Variants in TAFA4 observed in about 807,000 individuals in gnomAD.
The protein encoded by TAFA4 is chemokine-like protein TAFA-4.
A neutral mutation model predicts 21.1 loss-of-function variants in TAFA4; 20 were observed. That is an observed-to-expected ratio of 0.95 (90% confidence interval 0.67 to 1.38). The LOEUF (loss-of-function observed/expected upper bound fraction) is 1.38, where lower values mean the gene tolerates loss of function less well. TAFA4 is among the 40% of genes most tolerant of loss of function. The pLI is 0.00. For synonymous variants in TAFA4, 71 were observed against 67.4 expected (o/e 1.05, Z -0.26); for missense variants, 211 against 180.9 (o/e 1.17, Z -0.95).
At chr3:68,860,682 TA>T (rs2089324738) in intron 3 of TAFA4, among the ~76,000 whole-genome samples, 1 of 152,116 alleles carries the variant, frequency 6.6e-6, no homozygotes, top group African/African-American at 2.4e-5. Flanking sequence ...GAGCTTAATT[TA>T]AAATACACTA....
intron 3 of TAFA4, among the ~76,000 whole-genome samples, chr3:68,838,642 C>G (rs923112324): frequency 5.9e-5 from 9 of 152,192 alleles, no homozygotes; most frequent in African/African-American, 2.2e-4. Context: ...ATATTATTCT[C>G]TCAGGTTTTT....
chr3:68,848,369 T>C (rs539269914), intron 3 of TAFA4, among the ~76,000 whole-genome samples: 1 of 152,352 alleles, frequency 6.6e-6, no homozygotes, highest in African/African-American at 2.4e-5. Context: ...CAGATAGCTA[T>C]GTATCAACGA....
intron 1 of TAFA4, among the ~76,000 whole-genome samples, chr3:68,902,388 G>A (rs1170377799): frequency 1.3e-5 from 2 of 151,114 alleles, no homozygotes; most frequent in Non-Finnish European, 1.5e-5. Flanking sequence ...TTTTTTTGGA[G>A]ACAGGGTCTT....
At chr3:68,843,338 G>T (rs1273153825) in intron 3 of TAFA4, among the ~76,000 whole-genome samples, 5 of 152,066 alleles carry the variant, frequency 3.3e-5, no homozygotes, top group Non-Finnish European at 7.4e-5. Flanking sequence ...GTCTATTATT[G>T]GTGTATAGTA....
At chr3:68,859,387 G>A (rs1442654473) in intron 3 of TAFA4, among the ~76,000 whole-genome samples, 2 of 152,010 alleles carry the variant, frequency 1.3e-5, no homozygotes, top group Non-Finnish European at 2.9e-5. Flanking sequence ...CTTAATTCAT[G>A]TCTCCTTGCT....
At chr3:68,911,182 T>C (rs534719377) in intron 1 of TAFA4, among the ~76,000 whole-genome samples, 1 of 152,282 alleles carries the variant, frequency 6.6e-6, no homozygotes, top group Admixed American at 6.5e-5. Context: ...GCCAAGCCAA[T>C]CGATAAAATG....
At chr3:68,825,592 T>C (rs1233195833) in intron 3 of TAFA4, among the ~76,000 whole-genome samples, 2 of 152,218 alleles carry the variant, frequency 1.3e-5, no homozygotes, top group Non-Finnish European at 2.9e-5. Flanking sequence ...CTTACCTTAA[T>C]GAACACATTT....
chr3:68,894,829 T>C lies in TAFA4; in HGVS notation c.-122-9519A>G, dbSNP rs1048112447. ...TAAAGATGGAAAGGAGTAAAAGAAG[T>C]TTGAGGGTGTTTTTGGTTTTGTTTT... is the stretch of plus-strand genomic sequence containing the variant. On this transcript the variant is annotated intron_variant, in intron 1 of 5. Coordinates refer to ENST00000295569, the MANE Select transcript of TAFA4 (RefSeq NM_182522.5). 2.0e-5 allele frequency among the ~76,000 whole-genome samples: 3 copies of C among 151,910 alleles called. No individual in the cohort carries two copies. The South Asian group carries it at 6.3e-4, about 32-fold the overall frequency.
At chr3:68,793,144 A>T (rs1703394074) in intron 3 of TAFA4, among the ~76,000 whole-genome samples, 1 of 152,166 alleles carries the variant, frequency 6.6e-6, no homozygotes, top group South Asian at 2.1e-4. Flanking sequence ...GGACATAGAA[A>T]CTGATTTATC....
At chr3:68,742,332 A>AATTAGAAAG (rs1476173889) in intron 4 of TAFA4, among the ~76,000 whole-genome samples, 2 of 152,240 alleles carry the variant, frequency 1.3e-5, no homozygotes, top group African/African-American at 4.8e-5. Flanking sequence ...AAGGTACTTA[A>AATTAGAAAG]ATTAGAAAGG....
chr3:68,848,404 A>AT (rs2106905514), intron 3 of TAFA4, among the ~76,000 whole-genome samples: 1 of 152,284 alleles, frequency 6.6e-6, no homozygotes, highest in Admixed American at 6.5e-5. Context: ...TCTTGCTTTC[A>AT]TTTTTTAGTT....
intron 3 of TAFA4, among the ~76,000 whole-genome samples, chr3:68,755,809 T>C (rs1048112755): frequency 2.0e-5 from 3 of 152,172 alleles, no homozygotes; most frequent in Non-Finnish European, 2.9e-5. Context: ...CCTCCCACAT[T>C]AAACCAGAGT....
intron 5 of TAFA4, 82 bp from the exon 6 acceptor site, chr3:68,733,235 C>A: frequency 6.5e-7 from 1 of 1,530,660 alleles, no homozygotes; most frequent in South Asian, 1.2e-5. Flanking sequence ...CCAATAAGGT[C>A]CTGACTGTGA....
intron 2 of TAFA4, among the ~76,000 whole-genome samples, chr3:68,881,440 G>A (rs1018295342): frequency 3.3e-5 from 5 of 152,126 alleles, no homozygotes; most frequent in African/African-American, 1.2e-4. Context: ...AAACAATTCC[G>A]TTCACATGAC....
At chr3:68,881,338 A>T (rs1212424479) in intron 2 of TAFA4, among the ~76,000 whole-genome samples, 1 of 151,996 alleles carries the variant, frequency 6.6e-6, no homozygotes, top group Non-Finnish European at 1.5e-5. Context: ...ACCAATCTCA[A>T]CTCCTCCTTT....
intron 3 of TAFA4, among the ~76,000 whole-genome samples, chr3:68,820,772 T>A (rs9849884): frequency 0.57 from 87,296 of 152,066 alleles, 25,697 homozygotes; most frequent in East Asian, 0.92. Context: ...TGATTTAGCC[T>A]CTCCACAATG....
intron 3 of TAFA4, among the ~76,000 whole-genome samples, chr3:68,783,584 C>T (rs775477121): frequency 6.6e-6 from 1 of 151,624 alleles, no homozygotes; most frequent in Non-Finnish European, 1.5e-5. Context: ...CTATCTGTTT[C>T]AGAGTTTCCC....
At chr3:68,838,796 A>C (rs1704584951) in intron 3 of TAFA4, among the ~76,000 whole-genome samples, 1 of 151,860 alleles carries the variant, frequency 6.6e-6, no homozygotes, top group African/African-American at 2.4e-5. Flanking sequence ...AGGGAATAAA[A>C]CAGACAAAAG....
At chr3:68,781,822 C>G (rs1024099199) in intron 3 of TAFA4, among the ~76,000 whole-genome samples, 2 of 152,100 alleles carry the variant, frequency 1.3e-5, no homozygotes, top group African/African-American at 4.8e-5. Flanking sequence ...AAATTACAGA[C>G]AGATATCTCG....
Sources: allele counts gnomAD v4.1 joint callset (sites outside exome capture counted in the v4.1 genomes callset), GRCh38; gene constraint gnomAD v4.1.1; transcripts MANE v1.5; gene names NCBI Gene and HGNC (gene_info 2026-07-23, HGNC 2026-07-21).